The following RPS6KA2 variants were observed in gnomAD, a reference collection of about 807,000 sequenced individuals.
RPS6KA2 encodes the protein ribosomal protein S6 kinase A2.
In RPS6KA2, 42 loss-of-function variants were observed where a neutral mutation model predicts 91.8. That is an observed-to-expected ratio of 0.46 (90% CI 0.36 to 0.59). RPS6KA2 has a LOEUF of 0.59. Ranked by LOEUF, RPS6KA2 falls within the 20% of genes least tolerant of loss-of-function variation. RPS6KA2 has a pLI of 0.00. For synonymous variants in RPS6KA2, 414 were observed against 393.6 expected (o/e 1.05, Z -0.61); for missense variants, 798 against 978.5 (o/e 0.82, Z 2.46).
At chr6:166,592,989 G>C (rs893126846) in intron 1 of RPS6KA2, among the ~76,000 whole-genome samples, 6 of 152,178 alleles carry the variant, frequency 3.9e-5, no homozygotes, top group African/African-American at 1.4e-4. Flanking sequence ...AGGACAAACA[G>C]ACGTGTTAGT....
At chr6:166,698,694 G>T (rs911626549) in intron 2 of RPS6KA2, among the ~76,000 whole-genome samples, 2 of 152,196 alleles carry the variant, frequency 1.3e-5, no homozygotes, top group African/African-American at 4.8e-5. Context: ...AGTAGTTACT[G>T]CCTCTCTGTT....
chr6:166,665,522 G>T lies in RPS6KA2; in HGVS notation c.124-126738C>A, dbSNP rs559300526. Among the ~76,000 whole-genome samples the T allele has an allele frequency of 6.6e-6, 1 of 151,920 alleles. No homozygotes were observed. The highest frequency in any genetic ancestry group is 6.5e-5 in the Admixed American group (1 of 15,270). On this transcript the variant is annotated intron_variant, in intron 2 of 21. Coordinates refer to the RPS6KA2 transcript ENST00000503859. This position sits in a 1 kb window ranked among gnomAD's most constrained non-coding sequence, Gnocchi z 4.5. ...CATGTGACTTCCCCACCTTTGTGGC[G>T]CATGGTATGAAGAGTACAGGAAAGA...
intron 12 of RPS6KA2, among the ~76,000 whole-genome samples, chr6:166,452,237 C>T (rs2128456825): frequency 6.6e-6 from 1 of 152,148 alleles, no homozygotes; most frequent in African/African-American, 2.4e-5. Context: ...CATTTAAAGC[C>T]AACTTTAAAA....
intron 3 of RPS6KA2, among the ~76,000 whole-genome samples, chr6:166,530,630 T>C (rs973465817): frequency 1.3e-5 from 2 of 152,012 alleles, no homozygotes; most frequent in African/African-American, 4.8e-5. Context: ...ACCAACACAG[T>C]GAATAGGAGG....
intron 16 of RPS6KA2, among the ~76,000 whole-genome samples, chr6:166,427,112 T>C: frequency 6.6e-6 from 1 of 152,342 alleles, no homozygotes; most frequent in Non-Finnish European, 1.5e-5. Context: ...CATGATCAAG[T>C]GGGCTTCATC....
intron 2 of RPS6KA2, among the ~76,000 whole-genome samples, chr6:166,804,805 T>C (rs1779450707): frequency 6.6e-6 from 1 of 152,198 alleles, no homozygotes; most frequent in African/African-American, 2.4e-5. Flanking sequence ...TCTGTGTAAA[T>C]AGACTAACAA....
Position 166,665,847 on chromosome 6 carries a change from CAGA to C in RPS6KA2, c.124-127066_124-127064del, listed in dbSNP as rs1312601229. On this transcript the variant is annotated intron_variant, in intron 2 of 21. Transcript: ENST00000503859. The surrounding 1 kb of genome is among the most constrained non-coding windows in gnomAD (Gnocchi z 4.5). ...AACCTTCACAGAGGCAGAGCTGGAT[CAGA>C]AGAAGGTGCAGCTCTGCTCAGCACG... 1.3e-5 allele frequency among the ~76,000 whole-genome samples: 2 copies of C among 152,152 alleles called. No homozygotes were observed. The highest frequency in any genetic ancestry group is 1.9e-4 in the East Asian group (1 of 5,190).
intron 2 of RPS6KA2, among the ~76,000 whole-genome samples, chr6:166,707,079 A>G (rs1789699797): frequency 6.6e-6 from 1 of 152,286 alleles, no homozygotes; most frequent in African/African-American, 2.4e-5. Flanking sequence ...AAAAGTACCC[A>G]GCAAACTTGA....
chr6:166,581,382 C>A (rs1205681480), intron 1 of RPS6KA2, among the ~76,000 whole-genome samples: 14 of 152,172 alleles, frequency 9.2e-5, no homozygotes, highest in Non-Finnish European at 2.1e-4. Context: ...TCTCTACACC[C>A]ACCTGGATGC....
In RPS6KA2 at chr6:166,492,605, C is replaced by T. The variant is rs1207685902; in HGVS notation, c.748-1864G>A. On this transcript the variant is annotated intron_variant, in intron 8 of 20. Transcript: ENST00000265678. ...AATGAGAAAGCTGTCATCCCATACA[C>T]ACCGTTTAATCCTTGTTACACAAAT... Among the ~76,000 whole-genome samples, 10 of 152,224 alleles carry T rather than the reference C, an allele frequency of 6.6e-5. No homozygotes were observed. In the East Asian group the frequency reaches 1.9e-3, roughly 29 times the overall value.
chr6:166,831,564 C>G (rs1433806185), intron 2 of RPS6KA2, among the ~76,000 whole-genome samples: 1 of 151,886 alleles, frequency 6.6e-6, no homozygotes, highest in African/African-American at 2.4e-5. Context: ...GAAGGCTTGG[C>G]CCCCACTGAG....
At chr6:166,718,653 C>T (rs1415780731) in intron 2 of RPS6KA2, among the ~76,000 whole-genome samples, 1 of 152,120 alleles carries the variant, frequency 6.6e-6, no homozygotes, top group Non-Finnish European at 1.5e-5. Flanking sequence ...GACATGCACC[C>T]GAGAAAGTAG....
At chr6:166,730,131 T>C (rs1054277401) in intron 2 of RPS6KA2, among the ~76,000 whole-genome samples, 2 of 152,270 alleles carry the variant, frequency 1.3e-5, no homozygotes, top group Admixed American at 1.3e-4. Context: ...TTGAAGTCTT[T>C]GATCATCACT....
At chr6:166,541,647 T>C (rs1783659105) in intron 1 of RPS6KA2, among the ~76,000 whole-genome samples, 1 of 152,176 alleles carries the variant, frequency 6.6e-6, no homozygotes, top group Non-Finnish European at 1.5e-5. Flanking sequence ...ACTTCCAAAT[T>C]GCCATCCCCT....
intron 1 of RPS6KA2, among the ~76,000 whole-genome samples, chr6:166,597,559 T>A (rs991448421): frequency 2.0e-5 from 3 of 151,998 alleles, no homozygotes; most frequent in African/African-American, 7.2e-5. Flanking sequence ...GGAATAAAGA[T>A]AGAGGAGACA....
At chr6:166,544,192 C>T (rs971380627) in intron 1 of RPS6KA2, among the ~76,000 whole-genome samples, 12 of 152,224 alleles carry the variant, frequency 7.9e-5, no homozygotes, top group African/African-American at 2.7e-4. Context: ...CCAGGACTTT[C>T]GGTTGTATTT....
At position 166,788,278 on chromosome 6, in the gene RPS6KA2, C is replaced by T. The variant is rs58324506; in HGVS notation, c.123+69922G>A. On this transcript the variant is annotated intron_variant, in intron 2 of 21. Coordinates refer to the RPS6KA2 transcript ENST00000503859. ...TCAACCATTGTGGAGGACAGTGTGG[C>T]GATTCCTCAAGGATCTAGAACAAGA... is the stretch of plus-strand genomic sequence containing the variant. Among the ~76,000 whole-genome samples the T allele has an allele frequency of 0.023, 3,538 of 152,216 alleles. 216 individuals are homozygous for T. The East Asian group carries it at 0.26, about 11-fold the overall frequency.
At chr6:166,683,036 G>A (rs1788883399) in intron 2 of RPS6KA2, among the ~76,000 whole-genome samples, 1 of 152,202 alleles carries the variant, frequency 6.6e-6, no homozygotes, top group East Asian at 1.9e-4. Context: ...GACGTCAGAT[G>A]GGTCTCGCCG....
chr6:166,612,101 C>A lies in RPS6KA2; in HGVS notation c.99+14820G>T, dbSNP rs1362492200. Among the ~76,000 whole-genome samples the A allele has an allele frequency of 6.6e-6, 1 of 152,290 alleles. No individual in the cohort carries two copies. Among genetic ancestry groups the A allele is most frequent in the East Asian group, 1.9e-4 (1 of 5,178 alleles). On this transcript the variant is annotated intron_variant, in intron 1 of 20. Coordinates refer to ENST00000265678, the MANE Select transcript of RPS6KA2 (RefSeq NM_021135.6). This position sits in a 1 kb window ranked among gnomAD's most constrained non-coding sequence, Gnocchi z 4.3. ...CACCCCTTTCCCAGGCCTGTTTGTT[C>A]TTTTTCCTCTTATTTTTCCTCCGTC...
Sources: gnomAD v4.1 joint callset for allele counts (sites outside exome capture counted in the v4.1 genomes callset) on GRCh38, gnomAD v4.1.1 for gene constraint, Gnocchi (gnomAD v3.1) non-coding constraint, MANE v1.5 for transcripts, NCBI Gene and HGNC (gene_info 2026-07-23, HGNC 2026-07-21) for gene names.